Variants in GPR39 observed in about 807,000 individuals in gnomAD.
The protein encoded by GPR39 is G protein-coupled receptor 39.
A neutral mutation model predicts 18.4 loss-of-function variants in GPR39; 23 were observed. The observed-to-expected ratio is 1.25, with a 90% CI of 0.90 to 1.77. The LOEUF (loss-of-function observed/expected upper bound fraction) is 1.77, where lower values mean the gene tolerates loss of function less well. Among genes scored for constraint, GPR39 ranks in the 40% most tolerant of loss-of-function variants. The probability of loss-of-function intolerance (pLI) is 0.00; values close to 1 mark genes in which losing one functional copy is unlikely to be tolerated. For missense variants in GPR39, 647 were observed against 602.4 expected (o/e 1.07, Z -0.78); for synonymous variants, 280 against 257.9 (o/e 1.09, Z -0.82).
At chr2:132,599,363 G>C (rs1206726274) in intron 1 of GPR39, among the ~76,000 whole-genome samples, 1 of 152,158 alleles carries the variant, frequency 6.6e-6, no homozygotes, top group Non-Finnish European at 1.5e-5. Flanking sequence ...CCAGAAGAGG[G>C]GTGGGGCTGG....
intron 1 of GPR39, among the ~76,000 whole-genome samples, chr2:132,541,486 T>G (rs933935196): frequency 6.6e-6 from 1 of 152,102 alleles, no homozygotes; most frequent in Non-Finnish European, 1.5e-5. Flanking sequence ...AGAAACACAT[T>G]TTGGATATTT....
intron 1 of GPR39, among the ~76,000 whole-genome samples, chr2:132,445,621 A>G (rs1680520774): frequency 1.3e-5 from 2 of 152,186 alleles, no homozygotes; most frequent in South Asian, 4.1e-4. Context: ...TAAGGCTTTA[A>G]AAATGTATAC....
chr2:132,498,069 A>G (rs1220253603), intron 1 of GPR39, among the ~76,000 whole-genome samples: 1 of 152,122 alleles, frequency 6.6e-6, no homozygotes, highest in Non-Finnish European at 1.5e-5. Context: ...TATTTAACTG[A>G]TGTATATTTT....
intron 1 of GPR39, among the ~76,000 whole-genome samples, chr2:132,614,725 T>A (rs1178145264): frequency 6.6e-6 from 1 of 151,938 alleles, no homozygotes; most frequent in Non-Finnish European, 1.5e-5. Context: ...TAATTTTTTT[T>A]ATCTTTAGTA....
intron 1 of GPR39, among the ~76,000 whole-genome samples, chr2:132,629,513 T>C (rs754043294): frequency 7.9e-5 from 12 of 152,218 alleles, no homozygotes; most frequent in Non-Finnish European, 1.8e-4. Context: ...TAATGTGATT[T>C]ATATAGTTCA....
intron 1 of GPR39, among the ~76,000 whole-genome samples, chr2:132,602,828 A>G (rs927521002): frequency 4.1e-4 from 62 of 150,896 alleles, no homozygotes; most frequent in African/African-American, 1.5e-3. Flanking sequence ...AACCAAAACC[A>G]CAGAGATCAG....
At chr2:132,533,931 G>T (rs1034525029) in intron 1 of GPR39, among the ~76,000 whole-genome samples, 1 of 152,156 alleles carries the variant, frequency 6.6e-6, no homozygotes, top group Non-Finnish European at 1.5e-5. Flanking sequence ...CATAGGCATG[G>T]GCAAGGACTT....
At chr2:132,553,337 A>G (rs982774369) in intron 1 of GPR39, among the ~76,000 whole-genome samples, 4 of 138,048 alleles carry the variant, frequency 2.9e-5, no homozygotes, top group Non-Finnish European at 4.7e-5. Context: ...GTGTGTGTGT[A>G]TGTATATGTG....
intron 1 of GPR39, among the ~76,000 whole-genome samples, chr2:132,598,119 G>T (rs570754582): frequency 1.1e-4 from 16 of 152,306 alleles, no homozygotes; most frequent in Non-Finnish European, 2.2e-4. Context: ...CTGCACCCTG[G>T]CCTCCAGCTC....
intron 1 of GPR39, among the ~76,000 whole-genome samples, chr2:132,499,814 T>TTTA (rs1023939890): frequency 7.2e-5 from 11 of 152,238 alleles, no homozygotes; most frequent in Middle Eastern, 3.4e-3. Flanking sequence ...AAGTATTGTA[T>TTTA]TGTATTTATT....
chr2:132,580,600 T>C (rs1680606453), intron 1 of GPR39, among the ~76,000 whole-genome samples: 1 of 152,196 alleles, frequency 6.6e-6, no homozygotes, highest in South Asian at 2.1e-4. Flanking sequence ...AAGCCAGGTA[T>C]TAGAACCAAA....
intron 1 of GPR39, among the ~76,000 whole-genome samples, chr2:132,462,987 A>G (rs1451348910): frequency 6.6e-6 from 1 of 152,202 alleles, no homozygotes; most frequent in Non-Finnish European, 1.5e-5. Flanking sequence ...TACCACAAGC[A>G]TGTTTCCAGA....
intron 1 of GPR39, among the ~76,000 whole-genome samples, chr2:132,538,311 C>T (rs554289981): frequency 4.6e-5 from 7 of 152,232 alleles, no homozygotes; most frequent in Admixed American, 2.6e-4. Context: ...GGCCCCTCTT[C>T]TGCAGATCTG....
chr2:132,630,503 G>A (rs1423461777), intron 1 of GPR39, among the ~76,000 whole-genome samples: 1 of 152,184 alleles, frequency 6.6e-6, no homozygotes, highest in Admixed American at 6.5e-5. Flanking sequence ...GTTAGATCCT[G>A]TAGGACTTGT....
At chr2:132,442,453 T>C (rs1573604253) in intron 1 of GPR39, among the ~76,000 whole-genome samples, 1 of 152,094 alleles carries the variant, frequency 6.6e-6, no homozygotes, top group South Asian at 2.1e-4. Context: ...AAATGTCCGC[T>C]CCCTGACCGC....
chr2:132,537,719 A>G (rs1679784912), intron 1 of GPR39, among the ~76,000 whole-genome samples: 1 of 151,582 alleles, frequency 6.6e-6, no homozygotes, highest in Non-Finnish European at 1.5e-5. Context: ...ATAGTCCCAT[A>G]TTTCTCAGAG....
intron 1 of GPR39, among the ~76,000 whole-genome samples, chr2:132,552,909 C>T (rs888587581): frequency 3.4e-5 from 3 of 89,454 alleles, no homozygotes; most frequent in African/African-American, 1.1e-4. Context: ...TATACACACA[C>T]ATATATATAC....
At chr2:132,560,039 T>TA (rs375190592) in intron 1 of GPR39, among the ~76,000 whole-genome samples, 20 of 152,060 alleles carry the variant, frequency 1.3e-4, no homozygotes, top group Middle Eastern at 3.4e-3. Context: ...TGCATACTGG[T>TA]AATAGCATCC....
intron 1 of GPR39, among the ~76,000 whole-genome samples, chr2:132,569,146 C>A (rs906260744): frequency 6.6e-6 from 1 of 152,034 alleles, no homozygotes; most frequent in Admixed American, 6.6e-5. Context: ...AACTTTTACA[C>A]TTTTTGGTAT....
Sources: allele counts gnomAD v4.1 joint callset (sites outside exome capture counted in the v4.1 genomes callset), GRCh38; gene constraint gnomAD v4.1.1; transcripts MANE v1.5; gene names NCBI Gene and HGNC (gene_info 2026-07-23, HGNC 2026-07-21).